Variants in CELF1 observed in about 807,000 individuals in gnomAD.
CELF1 encodes the protein 50 kDa nuclear polyadenylated RNA-binding protein.
In CELF1, 10 loss-of-function variants were observed where a neutral mutation model predicts 61.8. The observed-to-expected ratio is 0.16, with a 90% CI of 0.10 to 0.27. CELF1 has a LOEUF of 0.27. Ranked by LOEUF, CELF1 falls within the 10% of genes least tolerant of loss-of-function variation. CELF1 has a pLI of 1.00. For missense variants in CELF1, 380 were observed against 639.1 expected, an observed-to-expected ratio of 0.59 and a Z score of 4.37; for synonymous variants, 236 against 225.1, an observed-to-expected ratio of 1.05 and a Z score of -0.43.
intron 1 of CELF1, among the ~76,000 whole-genome samples, chr11:47,529,061 C>T (rs1355817823): frequency 1.3e-5 from 2 of 151,600 alleles, no homozygotes; most frequent in Non-Finnish European, 2.9e-5. Context: ...TGTGCCACCT[C>T]ACCCAGTTTA....
intron 1 of CELF1, among the ~76,000 whole-genome samples, chr11:47,531,353 C>G (rs1024984450): frequency 6.6e-6 from 1 of 151,992 alleles, no homozygotes; most frequent in African/African-American, 2.4e-5. Context: ...GCAGATCACA[C>G]GGTTACAAGA....
At chr11:47,504,221 G>C (rs1305806889) in intron 1 of CELF1, among the ~76,000 whole-genome samples, 3 of 151,580 alleles carry the variant, frequency 2.0e-5, no homozygotes, top group Admixed American at 1.3e-4. Context: ...TTTTCCATAA[G>C]AATCTAGACA....
At chr11:47,481,848 T>C (rs1596320584) in intron 9 of CELF1, among the ~76,000 whole-genome samples, 4 of 152,232 alleles carry the variant, frequency 2.6e-5, no homozygotes, top group Admixed American at 2.0e-4. Context: ...AGGAAGTCTA[T>C]TTACAATGTA....
chr11:47,500,909 T>C lies in CELF1; in HGVS notation c.-130A>G, dbSNP rs2153549938. ...GCTCAGTTCACAACACAGGGAACTT[T>C]GAAAAAAAGAAGTTATGTTCAGCCT... is the stretch of plus-strand genomic sequence containing the variant. On this transcript the variant is annotated 5_prime_UTR_variant, in exon 2 of 15. Coordinates refer to ENST00000687097, the MANE Select transcript of CELF1 (RefSeq NM_001376376.1). 1 of 398,158 alleles carries C rather than the reference T, an allele frequency of 2.5e-6. No homozygotes were observed. Among genetic ancestry groups the C allele is most frequent in the East Asian group, 3.6e-5 (1 of 28,066 alleles). 24.7% of individuals were successfully genotyped at this position (398,158 alleles called of 1,614,324 possible).
chr11:47,552,587 CA>C (rs2097168467), intron 1 of CELF1, among the ~76,000 whole-genome samples: 1 of 152,222 alleles, frequency 6.6e-6, no homozygotes, highest in Non-Finnish European at 1.5e-5. Context: ...CGTGAGACGA[CA>C]GGGGCAGAGA....
rs566992839 is a variant in CELF1 at position 47,468,398 on chromosome 11, G to A, written c.*3832C>T. 6.6e-6 allele frequency: 1 copy of A among 152,628 alleles called. No individual in the cohort carries two copies. Among genetic ancestry groups the A allele is most frequent in the South Asian group, 2.1e-4 (1 of 4,824 alleles). The allele number at this position is 152,628 out of a possible 1,614,324, so 9.5% of individuals were successfully genotyped here. A position where few individuals can be genotyped will look rare whatever the true frequency, so the allele number is the denominator to read the frequency against. On this transcript the variant is annotated 3_prime_UTR_variant, in exon 15 of 15. Transcript: ENST00000687097. ...GCAAAATGTGCTCAGGAGCCTCAGAGGTTTTAGTGACATCTTTTATTTCAT... is the reference window on the plus strand; with the variant it reads ...GCAAAATGTGCTCAGGAGCCTCAGAAGTTTTAGTGACATCTTTTATTTCAT...
upstream of CELF1, among the ~76,000 whole-genome samples, chr11:47,555,511 G>C (rs2097203208): frequency 6.6e-6 from 1 of 152,146 alleles, no homozygotes; most frequent in African/African-American, 2.4e-5. Flanking sequence ...GAAGGCCACA[G>C]ACTGTTAGCC....
intron 8 of CELF1, 79 bp from the exon 9 acceptor site, chr11:47,482,935 C>T: frequency 2.3e-6 from 3 of 1,290,656 alleles, no homozygotes; most frequent in Non-Finnish European, 3.3e-6. Context: ...GGATGACATG[C>T]AGGTTACATT....
rs1374122870 is a variant in CELF1 at position 47,550,050 on chromosome 11, C to T, written c.-154+2942G>A. Among the ~76,000 whole-genome samples the T allele has an allele frequency of 2.6e-5, 4 of 151,698 alleles. No individual in the cohort carries two copies. The South Asian group carries it at 6.2e-4, about 24-fold the overall frequency. On this transcript the variant is annotated intron_variant, in intron 1 of 14. Coordinates refer to ENST00000687097, the MANE Select transcript of CELF1 (RefSeq NM_001376376.1). ...CAGGCTGGTCTCGAACTCCTGACCTCGTGATCCGCCCACCTCAGCCTCCCA... is the reference window on the plus strand; with the variant it reads ...CAGGCTGGTCTCGAACTCCTGACCTTGTGATCCGCCCACCTCAGCCTCCCA...
chr11:47,525,618 T>C (rs772087965), intron 1 of CELF1, among the ~76,000 whole-genome samples: 4 of 152,200 alleles, frequency 2.6e-5, no homozygotes, highest in Non-Finnish European at 5.9e-5. Flanking sequence ...AGCCTGGTTA[T>C]GTATTTATTC....
upstream of CELF1, among the ~76,000 whole-genome samples, chr11:47,556,461 A>G (rs1053636535): frequency 6.6e-6 from 1 of 152,242 alleles, no homozygotes; most frequent in Non-Finnish European, 1.5e-5. Flanking sequence ...TTGGGATTAC[A>G]GGTGCGAGCC....
chr11:47,502,044 T>C (rs760928563), intron 1 of CELF1, among the ~76,000 whole-genome samples: 2 of 152,200 alleles, frequency 1.3e-5, no homozygotes, highest in Non-Finnish European at 2.9e-5. Flanking sequence ...CTCCTTAAAA[T>C]AGTTTCCACC....
At chr11:47,474,572 C>T (rs1035162001) in intron 13 of CELF1, among the ~76,000 whole-genome samples, 6 of 152,206 alleles carry the variant, frequency 3.9e-5, no homozygotes, top group African/African-American at 9.7e-5. Context: ...TATTGGTTCA[C>T]GCTACATTCT....
intron 13 of CELF1, among the ~76,000 whole-genome samples, chr11:47,474,624 G>A (rs897792625): frequency 2.0e-5 from 3 of 152,190 alleles, no homozygotes; most frequent in African/African-American, 7.2e-5. Context: ...ATTCACAGCA[G>A]GTGAGGAGAG....
chr11:47,500,897 C>T lies in CELF1; in HGVS notation c.-118G>A. 2.5e-6 allele frequency: 1 copy of T among 397,892 alleles called. No individual in the cohort carries two copies. Among genetic ancestry groups the T allele is most frequent in the Middle Eastern group, 6.3e-4 (1 of 1,588 alleles). 24.6% of individuals were successfully genotyped at this position (397,892 alleles called of 1,614,324 possible). On this transcript the variant is annotated 5_prime_UTR_variant, in exon 2 of 15. Coordinates refer to ENST00000687097, the MANE Select transcript of CELF1 (RefSeq NM_001376376.1). ...CACTTCACCCAAGCTCAGTTCACAA[C>T]ACAGGGAACTTTGAAAAAAAGAAGT... is the stretch of plus-strand genomic sequence containing the variant.
chr11:47,520,109 G>C (rs551795624), intron 1 of CELF1, among the ~76,000 whole-genome samples: 1 of 151,306 alleles, frequency 6.6e-6, no homozygotes, highest in East Asian at 1.9e-4. Flanking sequence ...CAAAAAAAAA[G>C]GCACAATCCC....
rs978265834 is a variant in CELF1 at position 47,470,018 on chromosome 11, A to G, written c.*2212T>C. ...GCACAGCTCTCTCCTCTGCCAATTC[A>G]CAGCATTAACACCTTCCCCTTGGGC... On this transcript the variant is annotated 3_prime_UTR_variant, in exon 15 of 15. Transcript: ENST00000687097. The G allele has an allele frequency of 6.6e-6, 1 of 152,242 alleles. No homozygotes were observed. The highest frequency in any genetic ancestry group is 1.5e-5 in the Non-Finnish European group (1 of 68,090). 9.4% of individuals were successfully genotyped at this position (152,242 alleles called of 1,614,324 possible).
intron 7 of CELF1, 102 bp from the exon 8 acceptor site, chr11:47,483,634 A>G (rs2153445615): frequency 1.2e-6 from 1 of 822,060 alleles, no homozygotes; most frequent in East Asian, 2.5e-5. Flanking sequence ...CAATACAGAC[A>G]CAGTCCCTGT....
At chr11:47,536,580 G>A (rs1375358352) in intron 1 of CELF1, among the ~76,000 whole-genome samples, 1 of 152,012 alleles carries the variant, frequency 6.6e-6, no homozygotes, top group Non-Finnish European at 1.5e-5. Flanking sequence ...TAGCCAACAT[G>A]GCGAAAACCC....
Sources: gnomAD v4.1 joint callset for allele counts (sites outside exome capture counted in the v4.1 genomes callset) on GRCh38, gnomAD v4.1.1 for gene constraint, MANE v1.5 for transcripts, NCBI Gene and HGNC (gene_info 2026-07-23, HGNC 2026-07-21) for gene names.